The following CD5L variants were observed in gnomAD, a reference collection of about 807,000 sequenced individuals.
CD5L encodes CD5 molecule like.
Under a neutral mutation model 40.8 loss-of-function variants are expected in CD5L, and 39 were observed. That is an observed-to-expected ratio of 0.96 (90% CI 0.74 to 1.25). The LOEUF (loss-of-function observed/expected upper bound fraction) is 1.25, where lower values mean the gene tolerates loss of function less well. CD5L is among the 50% of genes most tolerant of loss of function. The pLI, the probability that CD5L is intolerant of heterozygous loss-of-function variation, is 0.00. For synonymous variants in CD5L, 192 were observed against 169.6 expected (o/e 1.13, Z -1.03); for missense variants, 433 against 435.9 (o/e 0.99, Z 0.06).
intron 1 of CD5L, among the ~76,000 whole-genome samples, chr1:157,840,511 C>T (rs1257261404): frequency 2.0e-5 from 3 of 152,134 alleles, no homozygotes; most frequent in Non-Finnish European, 4.4e-5. Context: ...TCCAAATAAC[C>T]TCTCATTACC....
In CD5L at chr1:157,831,871, A is replaced by G; in HGVS notation, c.*93T>C. 6.7e-7 allele frequency: 1 copy of G among 1,484,982 alleles called. No individual in the cohort carries two copies. The allele number at this position is 1,484,982 out of a possible 1,614,324, so 92.0% of individuals were successfully genotyped here. A position where few individuals can be genotyped will look rare whatever the true frequency, so the allele number is the denominator to read the frequency against. On this transcript the variant is annotated 3_prime_UTR_variant, in exon 6 of 6. Coordinates refer to ENST00000368174, the MANE Select transcript of CD5L (RefSeq NM_005894.3). The stretch of plus-strand genomic sequence containing the variant: ...ATGAGGGAGTAGTGGCTCAAGCCTG[A>G]GCCCCAGAATGAGTATGAGGATAAT...
rs1656201457 is a variant in CD5L at position 157,835,996 on chromosome 1, C to T, written c.215G>A (p.Gly72Glu). 1 of 1,614,194 alleles carries T rather than the reference C, an allele frequency of 6.2e-7. No homozygotes were observed. Residue 72 changes from glycine (G) to glutamate (E), a missense_variant, in exon 3 of 6, where the codon GGA (glycine) becomes GAA (glutamate). By Grantham distance (98) the Gly-to-Glu change is moderately conservative (BLOSUM62 -2). Transcript: ENST00000368174. ...CTCATACAAAATACCACTAGGGGTTCCGCTGGCAGCTCCACAGCCCAGCTC... is the reference window on the plus strand; with the variant it reads ...CTCATACAAAATACCACTAGGGGTTTCGCTGGCAGCTCCACAGCCCAGCTC... ...CRELGCGAAS[G>E]TPSGILYEPP...
chr1:157,836,843 C>G (rs182964545), intron 2 of CD5L, among the ~76,000 whole-genome samples: 127 of 152,222 alleles, frequency 8.3e-4, no homozygotes, highest in African/African-American at 3.0e-3. Flanking sequence ...TCTCAGAGCC[C>G]CAAGAGTTTG....
chr1:157,836,304 A>C, intron 2 of CD5L, 149 bp from the exon 3 acceptor site: 1 of 664,486 alleles, frequency 1.5e-6, no homozygotes, highest in Admixed American at 3.0e-5. Context: ...AAAGGGAAGG[A>C]AGAGGAGCTT....
intron 1 of CD5L, 45 bp downstream of exon 1, chr1:157,841,629 C>T (rs770016758): frequency 6.3e-6 from 10 of 1,583,522 alleles, no homozygotes; most frequent in African/African-American, 1.4e-5. Context: ...AATCAAAGTG[C>T]CAGAAAACTC....
Position 157,841,786 on chromosome 1 carries a change from A to G in CD5L, c.-85T>C. ...GCAATATTTAGTTTTAGCTGCAAGT[A>G]TGTTAAGAGGAGGGACAAAGACAGG... On this transcript the variant is annotated 5_prime_UTR_variant, in exon 1 of 6. Transcript: ENST00000368174. 4 of 1,168,128 alleles carry G rather than the reference A, an allele frequency of 3.4e-6. No homozygotes were observed. The highest frequency in any genetic ancestry group is 2.6e-5 in the South Asian group (2 of 77,144). 72.4% of individuals were successfully genotyped at this position (1,168,128 alleles called of 1,614,324 possible).
In CD5L at chr1:157,834,542, C is replaced by T; in HGVS notation, c.583G>A (p.Ala195Thr). Residue 195 changes from alanine (A) to threonine (T), a missense_variant, in exon 4 of 6, where the codon GCC (alanine) becomes ACC (threonine). Transcript: ENST00000368174. ...VLTQKRCNKH[A>T]YGRKPIWLSQ... ...AGCCAGATGGGTTTTCGGCCATAGG[C>T]ATGCTTGTTGCAGCGTTTTTGAGTC... is the stretch of plus-strand genomic sequence containing the variant. 4 of 1,614,218 alleles carry T rather than the reference C, an allele frequency of 2.5e-6. No individual in the cohort carries two copies. The highest frequency in any genetic ancestry group is 1.3e-5 in the African/African-American group (1 of 75,052).
chr1:157,834,423 C>A lies in CD5L; in HGVS notation c.702G>T (p.Thr234=), dbSNP rs74121553. 20 of 1,613,410 alleles carry A rather than the reference C, an allele frequency of 1.2e-5. No homozygotes were observed. Among genetic ancestry groups the A allele is most frequent in the Non-Finnish European group, 1.7e-5 (20 of 1,179,488 alleles). The change falls in exon 4 of 6, where the codon ACG becomes ACT. Residue 234 remains threonine, a synonymous_variant. Transcript: ENST00000368174. ...GKNTCNHDED[T]WVECEDPFDL... is the part of the protein sequence containing the mutation. The stretch of plus-strand genomic sequence containing the variant: ...AGGCATTACCTTCACATTCGACCCA[C>A]GTGTCTTCATCATGGTTGCAGGTGT...
intron 1 of CD5L, among the ~76,000 whole-genome samples, chr1:157,841,211 A>G (rs562784829): frequency 9.2e-5 from 14 of 152,288 alleles, no homozygotes; most frequent in African/African-American, 2.9e-4. Context: ...AACTAGGTTA[A>G]TCTCTAGATT....
rs1571447581 is a variant in CD5L at position 157,831,607 on chromosome 1, T to C, written c.*357A>G. ...CCTAGATTAGTAATGTTTGCAGACA[T>C]AGACCTTAGTAATGGTCTGCACATC... On this transcript the variant is annotated 3_prime_UTR_variant, in exon 6 of 6. Transcript: ENST00000368174. 1.8e-6 allele frequency: 2 copies of C among 1,082,852 alleles called. No individual in the cohort carries two copies. The highest frequency in any genetic ancestry group is 2.2e-6 in the Non-Finnish European group (2 of 893,634). The allele number at this position is 1,082,852 out of a possible 1,614,324, so 67.1% of individuals were successfully genotyped here. A position where few individuals can be genotyped will look rare whatever the true frequency, so the allele number is the denominator to read the frequency against.
chr1:157,834,413 A>T lies in CD5L; in HGVS notation c.712T>A (p.Cys238Ser). 6.2e-7 allele frequency: 1 copy of T among 1,611,448 alleles called. No individual in the cohort carries two copies. The highest frequency in any genetic ancestry group is 8.5e-7 in the Non-Finnish European group (1 of 1,178,088). The change falls in exon 4 of 6, where the codon TGT becomes AGT. Residue 238 changes from cysteine to serine, a missense_variant. Coordinates refer to ENST00000368174, the MANE Select transcript of CD5L (RefSeq NM_005894.3). ...CNHDEDTWVECEDPFDLRLVG... is the reference protein window; with the variant it reads ...CNHDEDTWVESEDPFDLRLVG... ...TTGGACGCACAGGCATTACCTTCAC[A>T]TTCGACCCACGTGTCTTCATCATGG...
Position 157,833,315 on chromosome 1 carries a change from C to A in CD5L, c.916G>T (p.Gly306Cys), listed in dbSNP as rs893959997. 3 of 1,614,174 alleles carry A rather than the reference C, an allele frequency of 1.9e-6. No individual in the cohort carries two copies. The highest frequency in any genetic ancestry group is 2.5e-6 in the Non-Finnish European group (3 of 1,180,050). ...RDRKCYGPGVGRIWLDNVRCS... is the reference protein window; with the variant it reads ...RDRKCYGPGVCRIWLDNVRCS... Reference sequence around the variant, plus strand: ...CGAACATTATCCAGCCAGATGCGGCCAACCCCAGGGCCATAGCATTTCCGG... The same window carrying A: ...CGAACATTATCCAGCCAGATGCGGCAAACCCCAGGGCCATAGCATTTCCGG... Residue 306 changes from glycine (G) to cysteine (C), a missense_variant, in exon 5 of 6, where the codon GGC becomes TGC. By Grantham distance (159) the Gly-to-Cys change is radical. Transcript: ENST00000368174.
rs138607635 is a variant in CD5L, at chr1:157,833,238, C to G, written c.993G>C (p.Gly331=). The change falls in exon 5 of 6, where the codon GGG becomes GGC. Residue 331 remains glycine (G), a synonymous_variant. Transcript: ENST00000368174. ...CTTCCTGGTGGGTGCAGTCGTGAAA[C>G]CCCCAAAATCTGTGCTGGCACTGCT... The part of the protein sequence containing the change: ...SLEQCQHRFW[G]FHDCTHQEDV... 7.6e-5 allele frequency: 123 copies of G among 1,614,136 alleles called. No individual in the cohort carries two copies. Among genetic ancestry groups the G allele is most frequent in the Non-Finnish European group, 9.8e-5 (116 of 1,180,002 alleles).
At position 157,834,630 on chromosome 1, in the gene CD5L, T is replaced by C. The variant is rs762538394; in HGVS notation, c.495A>G (p.Thr165=). Residue 165 remains threonine (T), a synonymous_variant, in exon 4 of 6, where the codon ACA becomes ACG. Coordinates refer to ENST00000368174, the MANE Select transcript of CD5L (RefSeq NM_005894.3). ...CCTTTGCGGCCCGGAGGCTCCAGCCTGTCTGGCACACGGTATACCACTGGT... is the reference window on the plus strand; with the variant it reads ...CCTTTGCGGCCCGGAGGCTCCAGCCCGTCTGGCACACGGTATACCACTGGT... ...HQNQWYTVCQ[T]GWSLRAAKVV... is the part of the protein sequence containing the mutation. 2 of 1,614,220 alleles carry C rather than the reference T, an allele frequency of 1.2e-6. No individual in the cohort carries two copies. Among genetic ancestry groups the C allele is most frequent in the East Asian group, 4.5e-5 (2 of 44,888 alleles).
chr1:157,836,284 G>T, intron 2 of CD5L, 129 bp from the exon 3 acceptor site: 1 of 744,426 alleles, frequency 1.3e-6, no homozygotes, highest in Non-Finnish European at 2.1e-6. Flanking sequence ...AGAAATAAGG[G>T]ATCAGAAGAA....
chr1:157,835,850 C>T lies in CD5L; in HGVS notation c.361G>A (p.Gly121Arg), dbSNP rs1321402967. The T allele has an allele frequency of 3.7e-6, 6 of 1,612,504 alleles. No individual in the cohort carries two copies. Among genetic ancestry groups the T allele is most frequent in the African/African-American group, 1.3e-5 (1 of 74,912 alleles). ...CCATACTCACTCTCACACGATGCCCCAGCATCTTCATCATGTGAACAATCA... is the reference window on the plus strand; with the variant it reads ...CCATACTCACTCTCACACGATGCCCTAGCATCTTCATCATGTGAACAATCA... ...VYDCSHDEDAGASCENPESSF... is the reference protein window; with the variant it reads ...VYDCSHDEDARASCENPESSF... Residue 121 changes from glycine (G) to arginine (R), a missense_variant, in exon 3 of 6, where the codon GGG (glycine) becomes AGG (arginine). Coordinates refer to ENST00000368174, the MANE Select transcript of CD5L (RefSeq NM_005894.3).
At chr1:157,839,920 T>C (rs1291148078) in intron 1 of CD5L, among the ~76,000 whole-genome samples, 1 of 152,116 alleles carries the variant, frequency 6.6e-6, no homozygotes, top group African/African-American at 2.4e-5. Context: ...GACAGTAATA[T>C]TTTCAGTTTT....
chr1:157,830,852 G>GTTTCTGCCACAGA (rs1656027758), downstream of CD5L: 3 of 740,130 alleles, frequency 4.1e-6, no homozygotes, highest in South Asian at 1.2e-4. Flanking sequence ...AACTGCCATA[G>GTTTCTGCCACAGA]AGAATCTGAC....
intron 1 of CD5L, among the ~76,000 whole-genome samples, chr1:157,840,987 T>A (rs1188606203): frequency 1.3e-5 from 2 of 152,194 alleles, no homozygotes; most frequent in Non-Finnish European, 2.9e-5. Flanking sequence ...TTGATTAGCA[T>A]AGGGATTTAC....
Sources: gnomAD v4.1 joint callset for allele counts (sites outside exome capture counted in the v4.1 genomes callset) on GRCh38, gnomAD v4.1.1 for gene constraint, MANE v1.5 for transcripts, NCBI Gene and HGNC (gene_info 2026-07-23, HGNC 2026-07-21) for gene names.